SUSD5: variants seen among roughly 807,000 people sequenced by gnomAD.
SUSD5 encodes the protein sushi domain containing 5, also known as sushi domain-containing protein 5.
In SUSD5, 33 loss-of-function variants were observed where a neutral mutation model predicts 29.5. The observed-to-expected ratio is 1.12, with a 90% CI of 0.85 to 1.49. SUSD5 has a LOEUF of 1.49. Among genes scored for constraint, SUSD5 ranks in the 40% most tolerant of loss-of-function variants. The probability of loss-of-function intolerance (pLI) is 0.00; values close to 1 mark genes in which losing one functional copy is unlikely to be tolerated. For missense variants in SUSD5, 776 were observed against 800.6 expected (o/e 0.97, Z 0.37); for synonymous variants, 308 against 325.3 (o/e 0.95, Z 0.57).
At position 33,218,667 on chromosome 3, in the gene SUSD5, C is replaced by A; in HGVS notation, c.112+19G>T. On this transcript the variant is annotated intron_variant, in intron 1 of 4. Coordinates refer to ENST00000309558, the MANE Select transcript of SUSD5 (RefSeq NM_015551.2). The stretch of plus-strand genomic sequence containing the variant: ...ACCCCACGCTCCACCCCCCGCCCCG[C>A]CGCCTCCCGCACACTCACCATCCGC... The A allele has an allele frequency of 1.6e-6, 2 of 1,278,810 alleles. No homozygotes were observed. Among genetic ancestry groups the A allele is most frequent in the South Asian group, 2.5e-5 (1 of 40,426 alleles). The allele number at this position is 1,278,810 out of a possible 1,614,324, so 79.2% of individuals were successfully genotyped here.
At chr3:33,201,940 TA>T (rs1161165016) in intron 3 of SUSD5, among the ~76,000 whole-genome samples, 1 of 152,210 alleles carries the variant, frequency 6.6e-6, no homozygotes, top group Admixed American at 6.5e-5. Context: ...GTCTCTCTAA[TA>T]ACCTTTCTCC....
intron 4 of SUSD5, among the ~76,000 whole-genome samples, chr3:33,155,089 A>C (rs1303587581): frequency 6.6e-6 from 1 of 152,276 alleles, no homozygotes; most frequent in East Asian, 1.9e-4. Flanking sequence ...ACTGGATTAC[A>C]TTAAAATGAA....
At chr3:33,175,978 C>T (rs569013975) in intron 3 of SUSD5, among the ~76,000 whole-genome samples, 11 of 152,226 alleles carry the variant, frequency 7.2e-5, no homozygotes, top group Non-Finnish European at 1.6e-4. Context: ...TTCACTGCCC[C>T]AAAGTCCTCT....
chr3:33,202,018 G>A (rs1575543090), intron 3 of SUSD5, among the ~76,000 whole-genome samples: 1 of 133,030 alleles, frequency 7.5e-6, no homozygotes, highest in Non-Finnish European at 1.6e-5. Flanking sequence ...TGAGAGAGGG[G>A]AGAAGTTATC....
chr3:33,192,375 G>A (rs2031911045), intron 3 of SUSD5, among the ~76,000 whole-genome samples: 1 of 151,226 alleles, frequency 6.6e-6, no homozygotes. Flanking sequence ...TTACAGGCAT[G>A]AGCCACCCCG....
At chr3:33,211,654 T>C (rs1402422462) in intron 2 of SUSD5, among the ~76,000 whole-genome samples, 1 of 152,236 alleles carries the variant, frequency 6.6e-6, no homozygotes, top group African/African-American at 2.4e-5. Context: ...AGGATCATCA[T>C]CTACCAAAGT....
chr3:33,164,506 AT>A (rs371778977), intron 4 of SUSD5, among the ~76,000 whole-genome samples: 2,663 of 152,222 alleles, frequency 0.017, 85 homozygotes, highest in African/African-American at 0.061. Flanking sequence ...TTTTATCACA[AT>A]TTTTTTAAAA....
chr3:33,205,452 T>C (rs1272431045), intron 3 of SUSD5, among the ~76,000 whole-genome samples: 1 of 152,216 alleles, frequency 6.6e-6, no homozygotes, highest in Non-Finnish European at 1.5e-5. Flanking sequence ...GGAATATGCA[T>C]AAAAATGAAT....
rs1210209820 is a variant in SUSD5, at chr3:33,174,627, A to C, written c.598+259T>G. ...AAAGTTAACTCAAGGTCAACTGTGT[A>C]CTTAGAGAAGTGGGGATTTTAACTT... On this transcript the variant is annotated intron_variant, in intron 4 of 4. Coordinates refer to ENST00000309558, the MANE Select transcript of SUSD5 (RefSeq NM_015551.2). Among the ~76,000 whole-genome samples the C allele has an allele frequency of 2.0e-5, 3 of 152,226 alleles. No homozygotes were observed. The East Asian group carries it at 5.8e-4, about 29-fold the overall frequency.
rs752879967 is a variant in SUSD5 at position 33,175,110 on chromosome 3, T to C, written c.410-36A>G. On this transcript the variant is annotated intron_variant, in intron 3 of 4. Transcript: ENST00000309558. ...GGAATCACAGTTAGCTTTTCCAAAC[T>C]GTGCGGAACTTTTTCAGCCTATGAG... The C allele has an allele frequency of 3.1e-6, 5 of 1,606,768 alleles. No individual in the cohort carries two copies. In the African/African-American group the frequency reaches 5.4e-5, roughly 17 times the overall value.
intron 3 of SUSD5, among the ~76,000 whole-genome samples, chr3:33,181,641 G>T (rs1002730795): frequency 1.5e-4 from 23 of 152,182 alleles, no homozygotes; most frequent in African/African-American, 5.5e-4. Flanking sequence ...CCAAAGTGCT[G>T]GGATCACAGG....
chr3:33,199,246 AC>A (rs1029653586), intron 3 of SUSD5, among the ~76,000 whole-genome samples: 3 of 148,912 alleles, frequency 2.0e-5, no homozygotes, highest in African/African-American at 7.4e-5. Flanking sequence ...ACACACACAC[AC>A]GTTTACACAT....
intron 4 of SUSD5, among the ~76,000 whole-genome samples, chr3:33,163,774 G>C (rs1368376837): frequency 2.6e-5 from 4 of 152,074 alleles, no homozygotes; most frequent in Non-Finnish European, 5.9e-5. Flanking sequence ...GAGGCGGGCG[G>C]ATCACGAGGT....
At position 33,205,002 on chromosome 3, in the gene SUSD5, CGT is replaced by C. The variant is rs151069485; in HGVS notation, c.409+2804_409+2805del. ...CCTCTCTCCACACCACACACACACACGTGTGTGTGTATACATATATATATGAA... is the reference window on the plus strand; with the variant it reads ...CCTCTCTCCACACCACACACACACACGTGTGTGTATACATATATATATGAA... On this transcript the variant is annotated intron_variant, in intron 3 of 4. Coordinates refer to ENST00000309558, the MANE Select transcript of SUSD5 (RefSeq NM_015551.2). 4.0e-4 allele frequency among the ~76,000 whole-genome samples: 61 copies of C among 151,990 alleles called. No homozygotes were observed. The East Asian group carries it at 6.0e-3, about 15-fold the overall frequency.
At chr3:33,173,270 G>T (rs1373927886) in intron 4 of SUSD5, among the ~76,000 whole-genome samples, 1 of 152,220 alleles carries the variant, frequency 6.6e-6, no homozygotes, top group Non-Finnish European at 1.5e-5. Flanking sequence ...AGACACAGCT[G>T]ATGGGAGAGC....
At chr3:33,169,366 G>A (rs943755293) in intron 4 of SUSD5, among the ~76,000 whole-genome samples, 2 of 151,976 alleles carry the variant, frequency 1.3e-5, no homozygotes, top group African/African-American at 4.8e-5. Flanking sequence ...GATTACAGGC[G>A]CCCGCCACCA....
intron 3 of SUSD5, among the ~76,000 whole-genome samples, chr3:33,187,603 CCTT>C (rs1282462222): frequency 1.3e-5 from 2 of 151,748 alleles, no homozygotes; most frequent in Non-Finnish European, 2.9e-5. Flanking sequence ...TATACCTGGA[CCTT>C]CTTCTCCTCT....
intron 3 of SUSD5, among the ~76,000 whole-genome samples, chr3:33,186,239 T>C (rs1273565872): frequency 6.6e-6 from 1 of 151,156 alleles, no homozygotes; most frequent in East Asian, 2.0e-4. Flanking sequence ...GAGGTGGAGC[T>C]TGCAGTGAGC....
At chr3:33,203,337 G>A (rs1244620301) in intron 3 of SUSD5, among the ~76,000 whole-genome samples, 6 of 152,182 alleles carry the variant, frequency 3.9e-5, no homozygotes, top group Non-Finnish European at 5.9e-5. Flanking sequence ...CAGGAGAACA[G>A]TCCTGGAGCC....
Sources: allele counts gnomAD v4.1 joint callset (sites outside exome capture counted in the v4.1 genomes callset), GRCh38; gene constraint gnomAD v4.1.1; transcripts MANE v1.5; gene names NCBI Gene and HGNC (gene_info 2026-07-23, HGNC 2026-07-21).